Variants in TAP2 observed in about 807,000 individuals in gnomAD.
TAP2 encodes the protein transporter 2, ATP binding cassette subfamily B member, also known as antigen peptide transporter 2.
In TAP2, 49 loss-of-function variants were observed where a neutral mutation model predicts 74.7. The ratio of observed to expected loss-of-function variants is 0.66; its 90% CI spans 0.52 to 0.83. The LOEUF is 0.83. TAP2 is among the 40% of genes least tolerant of loss of function. The pLI is 0.00. For missense variants in TAP2, 739 were observed against 859.0 expected (o/e 0.86, Z 1.75); for synonymous variants, 306 against 368.4 (o/e 0.83, Z 1.94).
intron 9 of TAP2, 61 bp downstream of exon 9, chr6:32,830,206 C>T: frequency 6.2e-7 from 1 of 1,612,688 alleles, no homozygotes; most frequent in South Asian, 1.1e-5. Context: ...CCGTGGATCT[C>T]CCATCCTCTC....
In TAP2 at chr6:32,828,675, G is replaced by GCCTCCACCCCCCCCC; in HGVS notation, c.*230_*231insGGGGGGGGGTGGAGG. ...GAATTAAGTTTCCTGGACACAGACA[G>GCCTCCACCCCCCCCC]CCCCCACCCCACCCCACCCCACCTC... On this transcript the variant is annotated 3_prime_UTR_variant, in exon 12 of 12. Coordinates refer to ENST00000374897, the MANE Select transcript of TAP2 (RefSeq NM_001290043.2). The GCCTCCACCCCCCCCC allele has an allele frequency of 3.4e-6, 3 of 884,280 alleles. No homozygotes were observed. The highest frequency in any genetic ancestry group is 4.6e-5 in the South Asian group (1 of 21,672). The allele number at this position is 884,280 out of a possible 1,614,324, so 54.8% of individuals were successfully genotyped here. A position where few individuals can be genotyped will look rare whatever the true frequency, so the allele number is the denominator to read the frequency against.
Position 32,837,272 on chromosome 6 carries a change from T to C in TAP2, c.608+265A>G, listed in dbSNP as rs2239701. Among the ~76,000 whole-genome samples, 68,574 of 151,928 alleles carry C rather than the reference T, an allele frequency of 0.45. 15,742 individuals carry two copies. Among genetic ancestry groups the C allele is most frequent in the Middle Eastern group, 0.57 (168 of 294 alleles). ...TGAGAGACAACTGAGAGACATTCCA[T>C]CTGAGACTTAAATTCCTTTTGTACT... On this transcript the variant is annotated intron_variant, in intron 3 of 11. Transcript: ENST00000374897.
In TAP2 at chr6:32,829,253, C is replaced by A. The variant is rs986173129; in HGVS notation, c.1932+147G>T. On this transcript the variant is annotated intron_variant, in intron 11 of 11. Coordinates refer to ENST00000374897, the MANE Select transcript of TAP2 (RefSeq NM_001290043.2). ...GGGAACTGGGGCTGCCCTCACACCACCGGATTCCATTCCCCAACCCCAAGA... is the reference window on the plus strand; with the variant it reads ...GGGAACTGGGGCTGCCCTCACACCAACGGATTCCATTCCCCAACCCCAAGA... 5.7e-5 allele frequency: 83 copies of A among 1,446,250 alleles called. No individual in the cohort carries two copies. In the African/African-American group the frequency reaches 1.1e-3, roughly 20 times the overall value. 89.6% of individuals were successfully genotyped at this position (1,446,250 alleles called of 1,614,324 possible). A position where few individuals can be genotyped will look rare whatever the true frequency, so the allele number is the denominator to read the frequency against.
chr6:32,829,626 A>G, intron 10 of TAP2, 90 bp from the exon 11 acceptor site: 1 of 1,589,098 alleles, frequency 6.3e-7, no homozygotes, highest in East Asian at 2.2e-5. Context: ...TACTTCCAGT[A>G]GGACCTCGGG....
rs1473544417 is a variant in TAP2 at position 32,835,655 on chromosome 6, C to T, written c.727G>A (p.Glu243Lys). The change falls in exon 4 of 12, where the codon GAG (glutamate) becomes AAG (lysine). Residue 243 changes from glutamate (E) to lysine (K), a missense_variant. Physicochemically the swap from Glu to Lys is moderately conservative, Grantham distance 56. Transcript: ENST00000374897. This position sits in a 1 kb window ranked among gnomAD's most constrained non-coding sequence, Gnocchi z 4.0. ...CTCCAGGCCCCACCTGTCTTAGTCT[C>T]CTGGAAGAAACCGAGGTCCTGGCGC... The part of the protein sequence containing the change: ...LLRQDLGFFQ[E>K]TKTGELNSRL... 4.3e-6 allele frequency: 7 copies of T among 1,613,082 alleles called. No individual in the cohort carries two copies. Among genetic ancestry groups the T allele is most frequent in the Admixed American group, 1.7e-5 (1 of 60,020 alleles).
chr6:32,830,684 C>T lies in TAP2; in HGVS notation c.1395G>A (p.Gln465=). The T allele has an allele frequency of 6.2e-7, 1 of 1,613,110 alleles. No homozygotes were observed. Among genetic ancestry groups the T allele is most frequent in the African/African-American group, 1.3e-5 (1 of 75,064 alleles). Residue 465 remains glutamine, a synonymous_variant, in exon 8 of 12, where the codon CAG becomes CAA. Transcript: ENST00000374897. ...SPGTLAPTTL[Q]GVVKFQDVSF... ...AGACGTCTTGGAATTTCACAACCCC[C>T]TGCAGAGTGGTGGGGGCAAGCGTGC...
intron 8 of TAP2, 34 bp downstream of exon 8, chr6:32,830,584 G>A: frequency 6.2e-7 from 1 of 1,612,544 alleles, no homozygotes; most frequent in Non-Finnish European, 8.5e-7. Flanking sequence ...GCAGCAGAGA[G>A]CAAGGGTCCA....
chr6:32,830,691 G>C lies in TAP2; in HGVS notation c.1388C>G (p.Thr463Ser), dbSNP rs1341994214. ...LPSPGTLAPT[T>S]LQGVVKFQDV... is the part of the protein sequence containing the mutation. ...TTGGAATTTCACAACCCCCTGCAGA[G>C]TGGTGGGGGCAAGCGTGCCAGGTGA... The change falls in exon 8 of 12, where the codon ACT becomes AGT. Residue 463 changes from threonine (T) to serine (S), a missense_variant. Physicochemically the swap from Thr to Ser is moderately conservative, Grantham distance 58. Coordinates refer to ENST00000374897, the MANE Select transcript of TAP2 (RefSeq NM_001290043.2). The C allele has an allele frequency of 2.9e-5, 47 of 1,612,954 alleles. No homozygotes were observed. Among genetic ancestry groups the C allele is most frequent in the Non-Finnish European group, 4.0e-5 (47 of 1,180,038 alleles).
At chr6:32,825,231 A>G (rs921756007), downstream of TAP2, among the ~76,000 whole-genome samples, 1 of 151,812 alleles carries the variant, frequency 6.6e-6, no homozygotes, top group Non-Finnish European at 1.5e-5. Context: ...ATATCTATCA[A>G]TATTTGTAAT....
rs771787222 is a variant in TAP2 at position 32,832,243 on chromosome 6, T to C, written c.1272+90A>G. On this transcript the variant is annotated intron_variant, in intron 7 of 11. Coordinates refer to ENST00000374897, the MANE Select transcript of TAP2 (RefSeq NM_001290043.2). This position sits in a 1 kb window ranked among gnomAD's most constrained non-coding sequence, Gnocchi z 5.9. Reference sequence around the variant, plus strand: ...TGCGGGTTTTGGTTTTGTATTGTATTGTTAAAAAGAACAAATAAAGCCCAA... The same window carrying C: ...TGCGGGTTTTGGTTTTGTATTGTATCGTTAAAAAGAACAAATAAAGCCCAA... The C allele has an allele frequency of 1.9e-6, 3 of 1,584,038 alleles. No individual in the cohort carries two copies. Among genetic ancestry groups the C allele is most frequent in the Non-Finnish European group, 2.6e-6 (3 of 1,161,264 alleles).
In TAP2 at chr6:32,828,247, A is replaced by C; in HGVS notation, c.*659T>G. 1 of 981,594 alleles carries C rather than the reference A, an allele frequency of 1.0e-6. No homozygotes were observed. Among genetic ancestry groups the C allele is most frequent in the Non-Finnish European group, 1.2e-6 (1 of 826,454 alleles). 60.8% of individuals were successfully genotyped at this position (981,594 alleles called of 1,614,324 possible). ...ACTTAGCATAGCTCCTACTCCCATTAAAACTCTATAAATGGTAGCTGTTAC... is the reference window on the plus strand; with the variant it reads ...ACTTAGCATAGCTCCTACTCCCATTCAAACTCTATAAATGGTAGCTGTTAC... On this transcript the variant is annotated 3_prime_UTR_variant, in exon 12 of 12. Transcript: ENST00000374897.
chr6:32,830,817 G>C lies in TAP2; in HGVS notation c.1273-11C>G. On this transcript the variant is annotated splice_polypyrimidine_tract_variant and intron_variant, in intron 7 of 11. Coordinates refer to ENST00000374897, the MANE Select transcript of TAP2 (RefSeq NM_001290043.2). Reference sequence around the variant, plus strand: ...TATGTATACCAGGGTCTGGAAAACAGGAATGGGAGAGCCGGCTAATTAAAC... The same window carrying C: ...TATGTATACCAGGGTCTGGAAAACACGAATGGGAGAGCCGGCTAATTAAAC... 2 of 1,604,874 alleles carry C rather than the reference G, an allele frequency of 1.2e-6. No individual in the cohort carries two copies. The highest frequency in any genetic ancestry group is 1.7e-6 in the Non-Finnish European group (2 of 1,176,008).
rs1044042 is a variant in TAP2 at position 32,826,479 on chromosome 6, G to A, written c.*2427C>T. ...GTAGGAGTGAACAAAAAGAACTCTG[G>A]AGCAAACCAGGATTAGTGACATCTG... On this transcript the variant is annotated 3_prime_UTR_variant, in exon 12 of 12. Coordinates refer to ENST00000374897, the MANE Select transcript of TAP2 (RefSeq NM_001290043.2). 45 of 985,242 alleles carry A rather than the reference G, an allele frequency of 4.6e-5. No homozygotes were observed. The highest frequency in any genetic ancestry group is 5.2e-5 in the Non-Finnish European group (43 of 829,946). 61.0% of individuals were successfully genotyped at this position (985,242 alleles called of 1,614,324 possible). A position where few individuals can be genotyped will look rare whatever the true frequency, so the allele number is the denominator to read the frequency against.
Position 32,838,003 on chromosome 6 carries a change from G to C in TAP2, c.231C>G (p.Val77=), listed in dbSNP as rs1417865164. The C allele has an allele frequency of 1.9e-6, 3 of 1,612,576 alleles. No individual in the cohort carries two copies. The highest frequency in any genetic ancestry group is 1.7e-6 in the Non-Finnish European group (2 of 1,179,860). ...LPLCLATPLT[V]SLRALVAGAS... ...CCCCCGCGACCAGGGCTCTCAGGGA[G>C]ACAGTCAGGGGGGTGGCCAGACAGA... Residue 77 remains valine, a synonymous_variant, in exon 2 of 12, where the codon GTC becomes GTG. Transcript: ENST00000374897.
chr6:32,830,022 A>G lies in TAP2; in HGVS notation c.1703T>C (p.Leu568Pro). 6.2e-7 allele frequency: 1 copy of G among 1,613,126 alleles called. No homozygotes were observed. ...CACCTTATCATCTTCGCAGCTCTGC[A>G]GCCCATAAGCAATGTTGTTCCTCAC... ...GSVRNNIAYG[L>P]QSCEDDKVMA... The change falls in exon 10 of 12, where the codon CTG (leucine) becomes CCG (proline). Residue 568 changes from leucine to proline, a missense_variant. Physicochemically the swap from Leu to Pro is moderately conservative, Grantham distance 98. Transcript: ENST00000374897.
chr6:32,829,106 C>T lies in TAP2; in HGVS notation c.1933-72G>A, dbSNP rs1042728750. ...CACCACATCCACCTGGGCACCATCT[C>T]TTATGATTTAGGGTAAAGAAGGTGT... On this transcript the variant is annotated intron_variant, in intron 11 of 11. Transcript: ENST00000374897. 5.9e-6 allele frequency: 9 copies of T among 1,516,228 alleles called. No individual in the cohort carries two copies. In the African/African-American group the frequency reaches 1.1e-4, roughly 19 times the overall value. 93.9% of individuals were successfully genotyped at this position (1,516,228 alleles called of 1,614,324 possible).
chr6:32,826,048 G>A lies in TAP2; in HGVS notation c.*2858C>T. 1 of 985,310 alleles carries A rather than the reference G, an allele frequency of 1.0e-6. No homozygotes were observed. The highest frequency in any genetic ancestry group is 1.2e-6 in the Non-Finnish European group (1 of 829,910). 61.0% of individuals were successfully genotyped at this position (985,310 alleles called of 1,614,324 possible). Reference sequence around the variant, plus strand: ...TAGGTTCAAAACCCAGTTTCTTCTGGGACCATTAGATGGCATCAGACTCAA... The same window carrying A: ...TAGGTTCAAAACCCAGTTTCTTCTGAGACCATTAGATGGCATCAGACTCAA... On this transcript the variant is annotated 3_prime_UTR_variant, in exon 12 of 12. Transcript: ENST00000374897.
At position 32,837,534 on chromosome 6, in the gene TAP2, T is replaced by G; in HGVS notation, c.608+3A>C. On this transcript the variant is annotated splice_donor_region_variant and intron_variant, in intron 3 of 11. Transcript: ENST00000374897. Reference sequence around the variant, plus strand: ...CAAATGGACCCAGCTGCCCACCACCTACCTGCCAAAGGAGAAGAGGCACAT... The same window carrying G: ...CAAATGGACCCAGCTGCCCACCACCGACCTGCCAAAGGAGAAGAGGCACAT... 6.2e-7 allele frequency: 1 copy of G among 1,613,520 alleles called. No individual in the cohort carries two copies. The highest frequency in any genetic ancestry group is 8.5e-7 in the Non-Finnish European group (1 of 1,179,662).
At position 32,829,549 on chromosome 6, in the gene TAP2, G is replaced by T; in HGVS notation, c.1796-13C>A. ...TTCTCCCCTACATCTGAGGAAATCAGAGAAATTCCCTTCCTCAGATACAAG... is the reference window on the plus strand; with the variant it reads ...TTCTCCCCTACATCTGAGGAAATCATAGAAATTCCCTTCCTCAGATACAAG... On this transcript the variant is annotated splice_polypyrimidine_tract_variant and intron_variant, in intron 10 of 11. Transcript: ENST00000374897. 6.2e-7 allele frequency: 1 copy of T among 1,614,086 alleles called. No homozygotes were observed. The highest frequency in any genetic ancestry group is 8.5e-7 in the Non-Finnish European group (1 of 1,180,018).
Sources: gnomAD v4.1 joint callset for allele counts (sites outside exome capture counted in the v4.1 genomes callset) on GRCh38, gnomAD v4.1.1 for gene constraint, Gnocchi (gnomAD v3.1) non-coding constraint, MANE v1.5 for transcripts, NCBI Gene and HGNC (gene_info 2026-07-23, HGNC 2026-07-21) for gene names.